The following MGAT4C variants were observed in gnomAD, a reference collection of about 807,000 sequenced individuals.
MGAT4C encodes alpha-1,3-mannosyl-glycoprotein 4-beta-N-acetylglucosaminyltransferase C.
Under a neutral mutation model 40.1 loss-of-function variants are expected in MGAT4C, and 19 were observed. The ratio of observed to expected loss-of-function variants is 0.47; its 90% CI spans 0.33 to 0.70. MGAT4C has a LOEUF of 0.70. MGAT4C is among the 30% of genes least tolerant of loss of function. MGAT4C has a pLI of 0.02. For synonymous variants in MGAT4C, 181 were observed against 187.1 expected (o/e 0.97, Z 0.27); for missense variants, 491 against 563.2 (o/e 0.87, Z 1.30).
At chr12:86,818,151 A>G (rs1952639983) in intron 1 of MGAT4C, among the ~76,000 whole-genome samples, 1 of 151,230 alleles carries the variant, frequency 6.6e-6, no homozygotes, top group Admixed American at 6.6e-5. Context: ...ATAAAGATAC[A>G]CTCTTTAAGT....
At chr12:86,070,257 A>C (rs1894955514) in intron 1 of MGAT4C, among the ~76,000 whole-genome samples, 1 of 152,106 alleles carries the variant, frequency 6.6e-6, no homozygotes, top group Admixed American at 6.6e-5. Flanking sequence ...GAACTTGATC[A>C]ATATTTTTCT....
intron 4 of MGAT4C, among the ~76,000 whole-genome samples, chr12:86,282,386 T>G (rs1307777275): frequency 6.6e-6 from 1 of 152,112 alleles, no homozygotes; most frequent in East Asian, 1.9e-4. Context: ...TTTTTGGTTT[T>G]GAATATTGGA....
At chr12:86,048,228 G>A (rs1425942905) in intron 2 of MGAT4C, among the ~76,000 whole-genome samples, 2 of 151,994 alleles carry the variant, frequency 1.3e-5, no homozygotes, top group African/African-American at 2.4e-5. Context: ...CAAATACTCC[G>A]TGTTTTCAGT....
chr12:86,448,569 G>A (rs1957375850), intron 2 of MGAT4C, among the ~76,000 whole-genome samples: 1 of 152,118 alleles, frequency 6.6e-6, no homozygotes, highest in African/African-American at 2.4e-5. Context: ...AGGAACTTTT[G>A]TTTGTTTGCT....
chr12:86,101,005 G>A (rs1874922803), intron 1 of MGAT4C, among the ~76,000 whole-genome samples: 1 of 151,522 alleles, frequency 6.6e-6, no homozygotes, highest in Non-Finnish European at 1.5e-5. Context: ...ACTAACAACA[G>A]GCAAGTGTAT....
At chr12:86,236,469 T>A (rs1951550605) in intron 1 of MGAT4C, among the ~76,000 whole-genome samples, 1 of 152,074 alleles carries the variant, frequency 6.6e-6, no homozygotes, top group African/African-American at 2.4e-5. Flanking sequence ...GTTTTATTTC[T>A]AGCAAGGAAG....
chr12:86,096,149 C>T (rs191914947), intron 1 of MGAT4C, among the ~76,000 whole-genome samples: 1 of 151,780 alleles, frequency 6.6e-6, no homozygotes, highest in African/African-American at 2.4e-5. Flanking sequence ...TAGTAGCAGT[C>T]TCTGTTTTCC....
At position 86,231,380 on chromosome 12, in the gene MGAT4C, T is replaced by C. The variant is rs183178300; in HGVS notation, c.-57+24859A>G. On this transcript the variant is annotated intron_variant, in intron 1 of 4. Coordinates refer to ENST00000611864, the MANE Select transcript of MGAT4C (RefSeq NM_001351288.2). Reference sequence around the variant, plus strand: ...GCAAAACCCCTACTTATTATATTTGTGTACCTAACCAGTGGGTTACCTTCT... The same window carrying C: ...GCAAAACCCCTACTTATTATATTTGCGTACCTAACCAGTGGGTTACCTTCT... Among the ~76,000 whole-genome samples the C allele has an allele frequency of 2.5e-3, 378 of 152,302 alleles. 1 individual carries two copies. Among genetic ancestry groups the C allele is most frequent in the Middle Eastern group, 0.01 (3 of 294 alleles).
At chr12:86,425,053 G>A (rs1346393939) in intron 3 of MGAT4C, among the ~76,000 whole-genome samples, 4 of 152,076 alleles carry the variant, frequency 2.6e-5, no homozygotes, top group Non-Finnish European at 5.9e-5. Flanking sequence ...ACTGTGCCCG[G>A]CCCTACATTT....
chr12:86,572,645 G>C (rs888771412), intron 2 of MGAT4C, among the ~76,000 whole-genome samples: 6 of 151,896 alleles, frequency 4.0e-5, no homozygotes, highest in African/African-American at 1.5e-4. Flanking sequence ...GTATTTTTAT[G>C]CACAGTCCTC....
At chr12:86,784,493 C>T (rs1951898425) in intron 1 of MGAT4C, among the ~76,000 whole-genome samples, 1 of 151,994 alleles carries the variant, frequency 6.6e-6, no homozygotes, top group African/African-American at 2.4e-5. Flanking sequence ...AAACTGATCA[C>T]ATATGTGAAA....
At chr12:86,208,573 AC>A (rs1950346955) in intron 1 of MGAT4C, among the ~76,000 whole-genome samples, 1 of 152,226 alleles carries the variant, frequency 6.6e-6, no homozygotes, top group African/African-American at 2.4e-5. Flanking sequence ...TTTACCAAGA[AC>A]CTGGGAGATC....
intron 1 of MGAT4C, among the ~76,000 whole-genome samples, chr12:86,070,397 T>C (rs1336554315): frequency 6.6e-6 from 1 of 152,114 alleles, no homozygotes; most frequent in Non-Finnish European, 1.5e-5. Context: ...GCTAGTCACC[T>C]GGTAAATACT....
At chr12:86,424,113 A>T (rs1956880579) in intron 3 of MGAT4C, among the ~76,000 whole-genome samples, 1 of 152,242 alleles carries the variant, frequency 6.6e-6, no homozygotes, top group Admixed American at 6.5e-5. Context: ...ATTAACCAAC[A>T]TATATAATAA....
chr12:86,718,609 C>T (rs1950688235), intron 2 of MGAT4C, among the ~76,000 whole-genome samples: 1 of 152,134 alleles, frequency 6.6e-6, no homozygotes, highest in Non-Finnish European at 1.5e-5. Flanking sequence ...CCATGGACCA[C>T]TACCCATCTG....
intron 1 of MGAT4C, among the ~76,000 whole-genome samples, chr12:86,218,621 T>C (rs528672887): frequency 1.5e-3 from 228 of 152,278 alleles, no homozygotes; most frequent in African/African-American, 5.3e-3. Context: ...TATCATACCA[T>C]TTAACTGAGT....
chr12:86,791,727 C>T (rs1197041342), intron 1 of MGAT4C, among the ~76,000 whole-genome samples: 1 of 152,116 alleles, frequency 6.6e-6, no homozygotes, highest in African/African-American at 2.4e-5. Context: ...TAGAACCATC[C>T]CTTTCTCAGC....
At chr12:86,792,880 G>C (rs1245729570) in intron 1 of MGAT4C, among the ~76,000 whole-genome samples, 3 of 152,146 alleles carry the variant, frequency 2.0e-5, no homozygotes, top group African/African-American at 7.2e-5. Flanking sequence ...GCAGTGAGCT[G>C]AGATCGTGCC....
chr12:86,226,094 C>A (rs1472578220), intron 1 of MGAT4C, among the ~76,000 whole-genome samples: 1 of 151,150 alleles, frequency 6.6e-6, no homozygotes, highest in East Asian at 2.0e-4. Flanking sequence ...TTACCCATAG[C>A]TACTGGACAT....
Sources: allele counts gnomAD v4.1 joint callset (sites outside exome capture counted in the v4.1 genomes callset), GRCh38; gene constraint gnomAD v4.1.1; transcripts MANE v1.5; gene names NCBI Gene and HGNC (gene_info 2026-07-23, HGNC 2026-07-21).